Variants in C1orf21 observed in about 807,000 individuals in gnomAD.
C1orf21 encodes chromosome 1 open reading frame 21, also known as uncharacterized protein C1orf21.
A neutral mutation model predicts 18.7 loss-of-function variants in C1orf21; 3 were observed. The ratio of observed to expected loss-of-function variants is 0.16; its 90% CI spans 0.07 to 0.42. The LOEUF is 0.42. C1orf21 is among the 10% of genes least tolerant of loss of function. The probability of loss-of-function intolerance (pLI) is 0.99; values close to 1 mark genes in which losing one functional copy is unlikely to be tolerated. For missense variants in C1orf21, 104 were observed against 143.6 expected, an observed-to-expected ratio of 0.72 and a Z score of 1.41; for synonymous variants, 41 against 46.4, an observed-to-expected ratio of 0.88 and a Z score of 0.47.
chr1:184,420,496 G>T (rs952979536), intron 1 of C1orf21, among the ~76,000 whole-genome samples: 1 of 152,126 alleles, frequency 6.6e-6, no homozygotes, highest in African/African-American at 2.4e-5. Flanking sequence ...TAGGCCTGTG[G>T]TAATAAATCA....
Position 184,540,555 on chromosome 1 carries a change from G to A in C1orf21, c.189+32873G>A, listed in dbSNP as rs540769546. ...AGCAATTCTCCCACCTCAGCTTTCCGAGTACCTGGGACTACAGGTGCATGA... is the reference window on the plus strand; with the variant it reads ...AGCAATTCTCCCACCTCAGCTTTCCAAGTACCTGGGACTACAGGTGCATGA... On this transcript the variant is annotated intron_variant, in intron 3 of 5. Transcript: ENST00000235307. 9.2e-5 allele frequency among the ~76,000 whole-genome samples: 14 copies of A among 151,958 alleles called. No individual in the cohort carries two copies. In the South Asian group the frequency reaches 1.7e-3, roughly 18 times the overall value.
chr1:184,509,136 G>A (rs1297472994), intron 3 of C1orf21, among the ~76,000 whole-genome samples: 2 of 152,148 alleles, frequency 1.3e-5, no homozygotes, highest in East Asian at 3.8e-4. Flanking sequence ...ACTAATGTGT[G>A]TCTCTGCTTC....
intron 1 of C1orf21, among the ~76,000 whole-genome samples, chr1:184,429,578 T>G (rs1187982231): frequency 6.6e-6 from 1 of 152,142 alleles, no homozygotes; most frequent in African/African-American, 2.4e-5. Flanking sequence ...ATAAAAGAAT[T>G]ACTGGATTTT....
intron 2 of C1orf21, among the ~76,000 whole-genome samples, chr1:184,483,425 A>G (rs1165708423): frequency 1.3e-5 from 2 of 152,228 alleles, no homozygotes; most frequent in African/African-American, 2.4e-5. Context: ...CAGGCTTGAG[A>G]TCATGATCTC....
chr1:184,602,376 G>A (rs992509307), intron 5 of C1orf21, among the ~76,000 whole-genome samples: 1 of 152,210 alleles, frequency 6.6e-6, no homozygotes, highest in African/African-American at 2.4e-5. Context: ...ATTTACTTTT[G>A]CTTTTCCTTT....
At chr1:184,418,477 G>A (rs1009012839) in intron 1 of C1orf21, among the ~76,000 whole-genome samples, 1 of 152,168 alleles carries the variant, frequency 6.6e-6, no homozygotes, top group Non-Finnish European at 1.5e-5. Context: ...GCCTCTCAAA[G>A]TGCTGTGATT....
intron 1 of C1orf21, among the ~76,000 whole-genome samples, chr1:184,409,908 G>C (rs1656306354): frequency 6.6e-6 from 1 of 152,162 alleles, no homozygotes; most frequent in African/African-American, 2.4e-5. Flanking sequence ...ATAATGGCAG[G>C]CAAAGACAGC....
chr1:184,462,044 G>A (rs536706343), intron 1 of C1orf21, among the ~76,000 whole-genome samples: 2 of 152,316 alleles, frequency 1.3e-5, no homozygotes, highest in African/African-American at 4.8e-5. Flanking sequence ...ACAACAGGGA[G>A]GAGGACATGG....
chr1:184,475,635 C>T (rs945676880), intron 1 of C1orf21, among the ~76,000 whole-genome samples: 3 of 152,056 alleles, frequency 2.0e-5, no homozygotes, highest in African/African-American at 7.3e-5. Context: ...GTCAGCATCT[C>T]TTCTCCATAA....
chr1:184,546,420 G>A (rs1234643763), intron 3 of C1orf21, among the ~76,000 whole-genome samples: 2 of 152,172 alleles, frequency 1.3e-5, no homozygotes, highest in Non-Finnish European at 2.9e-5. Context: ...GGGTGAAGGA[G>A]CAAGACTCCA....
intron 5 of C1orf21, among the ~76,000 whole-genome samples, chr1:184,602,476 C>A (rs1159423004): frequency 6.6e-6 from 1 of 152,188 alleles, no homozygotes; most frequent in Non-Finnish European, 1.5e-5. Context: ...CATCGTTATT[C>A]CACTGGAATC....
At chr1:184,448,770 A>C (rs1657071702) in intron 1 of C1orf21, among the ~76,000 whole-genome samples, 1 of 152,136 alleles carries the variant, frequency 6.6e-6, no homozygotes, top group Non-Finnish European at 1.5e-5. Flanking sequence ...AGGTGTGAAG[A>C]GAGTGGTTGC....
At chr1:184,449,113 A>G (rs761551088) in intron 1 of C1orf21, among the ~76,000 whole-genome samples, 1 of 152,040 alleles carries the variant, frequency 6.6e-6, no homozygotes, top group African/African-American at 2.4e-5. Flanking sequence ...GGTTTGTTAC[A>G]TATGTATACA....
At chr1:184,535,649 A>G (rs1360902543) in intron 3 of C1orf21, among the ~76,000 whole-genome samples, 2 of 152,192 alleles carry the variant, frequency 1.3e-5, no homozygotes, top group Non-Finnish European at 2.9e-5. Flanking sequence ...AGCATCATAG[A>G]TGGACTTTAT....
intron 1 of C1orf21, among the ~76,000 whole-genome samples, chr1:184,406,783 C>T (rs1656255113): frequency 6.6e-6 from 1 of 152,096 alleles, no homozygotes; most frequent in African/African-American, 2.4e-5. Flanking sequence ...TCCACACTGC[C>T]TCCTACTCTG....
intron 1 of C1orf21, among the ~76,000 whole-genome samples, chr1:184,395,438 C>G (rs1433413652): frequency 6.6e-6 from 1 of 152,006 alleles, no homozygotes; most frequent in East Asian, 1.9e-4. Context: ...GGTTAAGGGA[C>G]CTAATCTTTG....
chr1:184,564,761 C>A (rs2101987397), intron 3 of C1orf21, among the ~76,000 whole-genome samples: 1 of 152,304 alleles, frequency 6.6e-6, no homozygotes, highest in South Asian at 2.1e-4. Flanking sequence ...GAATTGCTAG[C>A]ACTAGGGATC....
intron 3 of C1orf21, among the ~76,000 whole-genome samples, chr1:184,565,056 T>G (rs957036778): frequency 6.6e-6 from 1 of 152,200 alleles, no homozygotes; most frequent in Admixed American, 6.5e-5. Flanking sequence ...AATGAAGGGC[T>G]AGACTAGACT....
intron 3 of C1orf21, among the ~76,000 whole-genome samples, chr1:184,530,923 C>T (rs1329750749): frequency 3.9e-5 from 6 of 152,008 alleles, no homozygotes; most frequent in African/African-American, 1.4e-4. Context: ...TTGATGCAGG[C>T]AGAAACATTT....
Sources: gnomAD v4.1 joint callset for allele counts (sites outside exome capture counted in the v4.1 genomes callset) on GRCh38, gnomAD v4.1.1 for gene constraint, MANE v1.5 for transcripts, NCBI Gene and HGNC (gene_info 2026-07-23, HGNC 2026-07-21) for gene names.